PTPRN2: variants seen among roughly 807,000 people sequenced by gnomAD.
The protein encoded by PTPRN2 is receptor-type tyrosine-protein phosphatase N2.
PTPRN2 carries 74 observed loss-of-function variants against 118.8 expected under a neutral mutation model. The ratio of observed to expected loss-of-function variants is 0.62; its 90% CI spans 0.52 to 0.76. The LOEUF (loss-of-function observed/expected upper bound fraction) is 0.76, where lower values mean the gene tolerates loss of function less well. Among genes scored for constraint, PTPRN2 ranks in the 30% least tolerant of loss-of-function variants. PTPRN2 has a pLI of 0.00. For missense variants in PTPRN2, 1,481 were observed against 1,394.4 expected, an observed-to-expected ratio of 1.06 and a Z score of -0.99; for synonymous variants, 641 against 608.0, an observed-to-expected ratio of 1.05 and a Z score of -0.80.
chr7:157,695,547 A>G (rs1295192179), intron 12 of PTPRN2, among the ~76,000 whole-genome samples: 1 of 152,252 alleles, frequency 6.6e-6, no homozygotes, highest in African/African-American at 2.4e-5. Flanking sequence ...AAAGAAAACA[A>G]CATTTTAAAG....
At chr7:158,071,817 GTA>G (rs1491528698) in intron 11 of PTPRN2, among the ~76,000 whole-genome samples, 1 of 80,882 alleles carries the variant, frequency 1.2e-5, no homozygotes, top group Non-Finnish European at 2.3e-5. Flanking sequence ...GGTGCTCGTC[GTA>G]TGGAGGTGCC....
At chr7:158,311,882 C>T (rs1286587035) in intron 3 of PTPRN2, among the ~76,000 whole-genome samples, 3 of 148,174 alleles carry the variant, frequency 2.0e-5, no homozygotes, top group African/African-American at 5.3e-5. Flanking sequence ...CACCCACACA[C>T]CTGCACGTGT....
At chr7:157,540,833 C>T (rs777809402) in intron 22 of PTPRN2, 48 bp from the exon 23 acceptor site, 32 of 1,454,446 alleles carry the variant, frequency 2.2e-5, no homozygotes, top group African/African-American at 2.1e-4. Flanking sequence ...GGCGTCCCCC[C>T]GACTCCTGCC....
intron 2 of PTPRN2, among the ~76,000 whole-genome samples, chr7:158,363,103 G>A (rs1324452077): frequency 1.3e-5 from 2 of 152,176 alleles, no homozygotes; most frequent in Non-Finnish European, 2.9e-5. Flanking sequence ...CACCACTCTC[G>A]AAAGCCCTTT....
At chr7:158,351,866 G>A in intron 2 of PTPRN2, among the ~76,000 whole-genome samples, 1 of 150,292 alleles carries the variant, frequency 6.7e-6, no homozygotes, top group East Asian at 2.0e-4. Context: ...CCCACTCCCA[G>A]CCCAGCTCCC....
At chr7:158,150,447 C>A (rs1004492210) in intron 6 of PTPRN2, among the ~76,000 whole-genome samples, 2 of 152,198 alleles carry the variant, frequency 1.3e-5, no homozygotes, top group Non-Finnish European at 2.9e-5. Context: ...CCGCCCTGAC[C>A]TGGCACTGAC....
At chr7:157,628,885 C>T (rs1402963584) in intron 14 of PTPRN2, among the ~76,000 whole-genome samples, 2 of 152,178 alleles carry the variant, frequency 1.3e-5, no homozygotes, top group Non-Finnish European at 2.9e-5. Context: ...CTCTTCTGTT[C>T]ACTTCTTTTT....
chr7:157,654,521 C>T (rs1043025102), intron 14 of PTPRN2, among the ~76,000 whole-genome samples: 3 of 152,196 alleles, frequency 2.0e-5, no homozygotes, highest in Non-Finnish European at 2.9e-5. Flanking sequence ...TTTCTCGTTT[C>T]GGCCCTGCAG....
chr7:158,330,725 CGT>C (rs1804194461), intron 2 of PTPRN2, among the ~76,000 whole-genome samples: 2 of 114,268 alleles, frequency 1.8e-5, no homozygotes, highest in African/African-American at 5.7e-5. Context: ...AGAGCCGACA[CGT>C]GCAGACGTCA....
chr7:157,807,512 G>T (rs983627420), intron 12 of PTPRN2, among the ~76,000 whole-genome samples: 1 of 152,210 alleles, frequency 6.6e-6, no homozygotes, highest in Non-Finnish European at 1.5e-5. Flanking sequence ...GCCATGGGGA[G>T]GGAAGAGGTG....
At chr7:158,324,824 C>A (rs1219217081) in intron 2 of PTPRN2, among the ~76,000 whole-genome samples, 2 of 152,252 alleles carry the variant, frequency 1.3e-5, no homozygotes, top group Non-Finnish European at 2.9e-5. Context: ...GTGGACCGAA[C>A]AAGGTGGCTT....
intron 12 of PTPRN2, among the ~76,000 whole-genome samples, chr7:157,895,059 A>C (rs1192840198): frequency 6.6e-6 from 1 of 150,774 alleles, no homozygotes; most frequent in East Asian, 2.0e-4. Flanking sequence ...CCTCCCCCAC[A>C]GGAGGGGGTC....
In PTPRN2 at chr7:158,003,956, T is replaced by C. The variant is rs1197377146; in HGVS notation, c.1723+77342A>G. Among the ~76,000 whole-genome samples, 1 of 152,158 alleles carries C rather than the reference T, an allele frequency of 6.6e-6. No individual in the cohort carries two copies. Among genetic ancestry groups the C allele is most frequent in the Non-Finnish European group, 1.5e-5 (1 of 68,040 alleles). On this transcript the variant is annotated intron_variant, in intron 11 of 22. Coordinates refer to ENST00000389418, the MANE Select transcript of PTPRN2 (RefSeq NM_002847.5). The surrounding 1 kb of genome is among the most constrained non-coding windows in gnomAD (Gnocchi z 5.0). ...ATCATTTGCTACTGTCATAGCAGTA[T>C]AGGAAACGTGTCAGCACCTTGGGAG... is the stretch of plus-strand genomic sequence containing the variant.
intron 3 of PTPRN2, among the ~76,000 whole-genome samples, chr7:158,286,730 A>G (rs1799796373): frequency 6.6e-6 from 1 of 152,188 alleles, no homozygotes; most frequent in Non-Finnish European, 1.5e-5. Context: ...GATCCTTTTC[A>G]TGAGCTGTTG....
intron 19 of PTPRN2, among the ~76,000 whole-genome samples, chr7:157,575,690 T>C (rs1284658626): frequency 1.3e-5 from 2 of 152,232 alleles, no homozygotes; most frequent in Non-Finnish European, 2.9e-5. Flanking sequence ...TCCAGTTACA[T>C]AACTGTAGAC....
chr7:158,333,609 C>T (rs1457453639), intron 2 of PTPRN2, among the ~76,000 whole-genome samples: 2 of 151,690 alleles, frequency 1.3e-5, no homozygotes, highest in Non-Finnish European at 2.9e-5. Context: ...CACACTCTCA[C>T]TATAAGAGGT....
chr7:158,456,837 C>A (rs752016249), intron 2 of PTPRN2, among the ~76,000 whole-genome samples: 1 of 152,136 alleles, frequency 6.6e-6, no homozygotes, highest in Non-Finnish European at 1.5e-5. Context: ...GGCGGTGACA[C>A]AATCACGACT....
chr7:158,430,767 C>T (rs2129428769), intron 2 of PTPRN2, among the ~76,000 whole-genome samples: 1 of 152,334 alleles, frequency 6.6e-6, no homozygotes, highest in South Asian at 2.1e-4. Context: ...ACTCCCATGA[C>T]AGCTTGAACC....
intron 19 of PTPRN2, among the ~76,000 whole-genome samples, chr7:157,573,711 CA>C (rs2150518971): frequency 6.6e-6 from 1 of 152,304 alleles, no homozygotes; most frequent in African/African-American, 2.4e-5. Flanking sequence ...TGCTCCTAGC[CA>C]GTGAATTTGT....
Sources: gnomAD v4.1 joint callset for allele counts (sites outside exome capture counted in the v4.1 genomes callset) on GRCh38, gnomAD v4.1.1 for gene constraint, Gnocchi (gnomAD v3.1) non-coding constraint, MANE v1.5 for transcripts, NCBI Gene and HGNC (gene_info 2026-07-23, HGNC 2026-07-21) for gene names.